Variants in TAOK3 observed in about 807,000 individuals in gnomAD.
TAOK3 encodes the protein serine/threonine-protein kinase TAO3.
Under a neutral mutation model 120.4 loss-of-function variants are expected in TAOK3, and 40 were observed. That is an observed-to-expected ratio of 0.33 (90% CI 0.26 to 0.43). TAOK3 has a LOEUF of 0.43. TAOK3 is among the 20% of genes least tolerant of loss of function. The pLI, the probability that TAOK3 is intolerant of heterozygous loss-of-function variation, is 1.00. For missense variants in TAOK3, 821 were observed against 1,112.1 expected, an observed-to-expected ratio of 0.74 and a Z score of 3.72; for synonymous variants, 355 against 387.5, an observed-to-expected ratio of 0.92 and a Z score of 0.99.
chr12:118,330,932 GAAGAAC>G (rs1271334162), intron 1 of TAOK3, among the ~76,000 whole-genome samples: 1 of 152,118 alleles, frequency 6.6e-6, no homozygotes, highest in African/African-American at 2.4e-5. Context: ...CCTTTGGTAT[GAAGAAC>G]AAGAATATGG....
intron 9 of TAOK3, among the ~76,000 whole-genome samples, chr12:118,225,978 G>A (rs772143022): frequency 2.0e-5 from 3 of 152,196 alleles, no homozygotes; most frequent in Admixed American, 2.0e-4. Flanking sequence ...GATGGCTTGC[G>A]CCTATAATCC....
intron 17 of TAOK3, among the ~76,000 whole-genome samples, chr12:118,162,969 C>A (rs1044139735): frequency 5.3e-5 from 8 of 152,314 alleles, no homozygotes; most frequent in African/African-American, 1.9e-4. Context: ...CTGTCCTCAA[C>A]TCACTGACAC....
At chr12:118,369,004 G>GA (rs975694288) in intron 1 of TAOK3, among the ~76,000 whole-genome samples, 13,919 of 69,352 alleles carry the variant, frequency 0.2, 891 homozygotes, top group Middle Eastern at 0.28. Flanking sequence ...ACTAAAAATA[G>GA]AAAAAAAAAA....
chr12:118,229,110 T>C (rs2039643063), intron 9 of TAOK3, among the ~76,000 whole-genome samples: 1 of 151,900 alleles, frequency 6.6e-6, no homozygotes, highest in Non-Finnish European at 1.5e-5. Context: ...TTCCTTTTTT[T>C]TTTGGGGGGG....
At chr12:118,202,172 A>G (rs1057410058) in intron 11 of TAOK3, among the ~76,000 whole-genome samples, 9 of 148,692 alleles carry the variant, frequency 6.1e-5, no homozygotes, top group Admixed American at 2.0e-4. Context: ...CAAATATATA[A>G]TAAATATATA....
At chr12:118,328,750 T>C (rs1369916726) in intron 1 of TAOK3, among the ~76,000 whole-genome samples, 1 of 152,218 alleles carries the variant, frequency 6.6e-6, no homozygotes, top group Non-Finnish European at 1.5e-5. Flanking sequence ...AAATTTAAAA[T>C]CTAACCAAAT....
At position 118,150,280 on chromosome 12, in the gene TAOK3, A is replaced by G. The variant is rs1012939293; in HGVS notation, c.*717T>C. 6.6e-6 allele frequency: 1 copy of G among 152,630 alleles called. No individual in the cohort carries two copies. Among genetic ancestry groups the G allele is most frequent in the African/African-American group, 2.4e-5 (1 of 41,442 alleles). 9.5% of individuals were successfully genotyped at this position (152,630 alleles called of 1,614,324 possible). A position where few individuals can be genotyped will look rare whatever the true frequency, so the allele number is the denominator to read the frequency against. On this transcript the variant is annotated 3_prime_UTR_variant, in exon 21 of 21. Transcript: ENST00000392533. Reference sequence around the variant, plus strand: ...CTTAAGTGTATTCACATCCTCTGCAACAGCAGAAAATGATTATGATACAAT... The same window carrying G: ...CTTAAGTGTATTCACATCCTCTGCAGCAGCAGAAAATGATTATGATACAAT...
intron 9 of TAOK3, among the ~76,000 whole-genome samples, chr12:118,222,391 G>A (rs1489695590): frequency 6.6e-6 from 1 of 152,024 alleles, no homozygotes; most frequent in Non-Finnish European, 1.5e-5. Context: ...AAATTAGCTG[G>A]GTGTGGTGGC....
chr12:118,291,902 C>A, intron 1 of TAOK3, among the ~76,000 whole-genome samples: 1 of 152,244 alleles, frequency 6.6e-6, no homozygotes, highest in Admixed American at 6.5e-5. Flanking sequence ...GCAAGCTCCA[C>A]CTCCGGGTTC....
At chr12:118,219,770 CT>C (rs35568926) in intron 9 of TAOK3, among the ~76,000 whole-genome samples, 8,871 of 58,682 alleles carry the variant, frequency 0.15, 274 homozygotes, top group East Asian at 0.2. Context: ...ACTTTTTTGG[CT>C]TTTTTTTTTT....
Position 118,245,575 on chromosome 12 carries a change from C to T in TAOK3, c.121-610G>A, listed in dbSNP as rs1301337680. 5.3e-5 allele frequency among the ~76,000 whole-genome samples: 8 copies of T among 152,264 alleles called. 1 individual carries two copies. The highest frequency in any genetic ancestry group is 5.2e-4 in the Admixed American group (8 of 15,294). ...TCACGTGATCTGCCCGCCTCAGCCT[C>T]CCAAAGTGCTGGGATTACAGACGTT... On this transcript the variant is annotated intron_variant, in intron 3 of 20. Coordinates refer to ENST00000392533, the MANE Select transcript of TAOK3 (RefSeq NM_016281.4).
intron 9 of TAOK3, among the ~76,000 whole-genome samples, chr12:118,222,013 T>G (rs188391211): frequency 8.3e-4 from 126 of 152,216 alleles, no homozygotes; most frequent in African/African-American, 2.9e-3. Context: ...GAAAAAACAG[T>G]AGTTTCCCTT....
In TAOK3 at chr12:118,150,595, T is replaced by C. The variant is rs1767697979; in HGVS notation, c.*402A>G. ...GTGTCTCTCTCCCCCTTGGCATTTATTATTATTATTTTTTGCTTTACTTTC... is the reference window on the plus strand; with the variant it reads ...GTGTCTCTCTCCCCCTTGGCATTTACTATTATTATTTTTTGCTTTACTTTC... On this transcript the variant is annotated 3_prime_UTR_variant, in exon 21 of 21. Coordinates refer to ENST00000392533, the MANE Select transcript of TAOK3 (RefSeq NM_016281.4). 1 of 155,332 alleles carries C rather than the reference T, an allele frequency of 6.4e-6. No homozygotes were observed. The highest frequency in any genetic ancestry group is 1.4e-5 in the Non-Finnish European group (1 of 69,970). 9.6% of individuals were successfully genotyped at this position (155,332 alleles called of 1,614,324 possible).
chr12:118,322,889 T>G (rs887540705), intron 1 of TAOK3, among the ~76,000 whole-genome samples: 2 of 151,760 alleles, frequency 1.3e-5, no homozygotes, highest in Admixed American at 6.6e-5. Context: ...TTTTTGTATT[T>G]TCAATAGAGA....
chr12:118,168,711 T>C (rs2035769843), intron 17 of TAOK3, among the ~76,000 whole-genome samples: 1 of 152,208 alleles, frequency 6.6e-6, no homozygotes, highest in South Asian at 2.1e-4. Flanking sequence ...TAGAACCTAA[T>C]ACTAATGAAG....
At chr12:118,358,788 A>C (rs990917922) in intron 1 of TAOK3, 17 of 152,196 alleles carry the variant, frequency 1.1e-4, no homozygotes, top group Admixed American at 9.2e-4. Context: ...TCTCAGCTGG[A>C]CTTTGAGCTA....
intron 3 of TAOK3, chr12:118,246,676 C>A (rs1339213028): frequency 2.5e-6 from 4 of 1,572,252 alleles, no homozygotes; most frequent in Non-Finnish European, 8.6e-7. Context: ...CTCATCCCTG[C>A]ACCCAGGGGC....
rs763473530 is a variant in TAOK3 at position 118,234,212 on chromosome 12, A to ATTTTTTTTTTTTTTT, written c.552-462_552-448dup. On this transcript the variant is annotated intron_variant, in intron 8 of 20. Transcript: ENST00000392533. ...TTAAAGTAATTAAATAAAGCAGGAA[A>ATTTTTTTTTTTTTTT]TTTTTTTTTTTTTTTTTTTTTTTTT... 4.4e-3 allele frequency among the ~76,000 whole-genome samples: 257 copies of ATTTTTTTTTTTTTTT among 58,324 alleles called. 49 individuals are homozygous for ATTTTTTTTTTTTTTT. Among genetic ancestry groups the ATTTTTTTTTTTTTTT allele is most frequent in the Non-Finnish European group, 5.8e-3 (187 of 32,386 alleles). 38.3% of individuals were successfully genotyped at this position (58,324 alleles called of 152,430 possible). A position where few individuals can be genotyped will look rare whatever the true frequency, so the allele number is the denominator to read the frequency against.
rs2038016583 is a variant in TAOK3, at chr12:118,201,423, A to G, written c.860T>C (p.Ile287Thr). ...VRRDRPLRVLIDLIQRTKDAV... is the reference protein window; with the variant it reads ...VRRDRPLRVLTDLIQRTKDAV... ...ATCTTTTGTCCTCTGTATGAGGTCA[A>G]TGAGGACACGTAGTGGCCGGTCTCG... The change falls in exon 12 of 21, where the codon ATT becomes ACT. Residue 287 changes from isoleucine to threonine, a missense_variant. Coordinates refer to ENST00000392533, the MANE Select transcript of TAOK3 (RefSeq NM_016281.4). 10 of 1,614,062 alleles carry G rather than the reference A, an allele frequency of 6.2e-6. No homozygotes were observed. The East Asian group carries it at 1.6e-4, about 25-fold the overall frequency.
Sources: gnomAD v4.1 joint callset for allele counts (sites outside exome capture counted in the v4.1 genomes callset) on GRCh38, gnomAD v4.1.1 for gene constraint, MANE v1.5 for transcripts, NCBI Gene and HGNC (gene_info 2026-07-23, HGNC 2026-07-21) for gene names.